The following ADAMTS17 variants were observed in gnomAD, a reference collection of about 807,000 sequenced individuals.
The protein encoded by ADAMTS17 is ADAM metallopeptidase with thrombospondin type 1 motif 17, also known as A disintegrin and metalloproteinase with thrombospondin motifs 17.
In ADAMTS17, 113 loss-of-function variants were observed where a neutral mutation model predicts 141.5. That is an observed-to-expected ratio of 0.80 (90% CI 0.69 to 0.93). ADAMTS17 has a LOEUF of 0.93. Among genes scored for constraint, ADAMTS17 ranks in the 40% least tolerant of loss-of-function variants. The probability of loss-of-function intolerance (pLI) is 0.00; values close to 1 mark genes in which losing one functional copy is unlikely to be tolerated. For synonymous variants in ADAMTS17, 768 were observed against 630.6 expected, an observed-to-expected ratio of 1.22 and a Z score of -3.27; for missense variants, 1,659 against 1,517.9, an observed-to-expected ratio of 1.09 and a Z score of -1.54.
chr15:100,171,578 C>T (rs1047319743), intron 8 of ADAMTS17, among the ~76,000 whole-genome samples: 51 of 152,196 alleles, frequency 3.4e-4, no homozygotes, highest in African/African-American at 1.1e-3. Flanking sequence ...CTGGCGGGCC[C>T]AGCTTGCAGG....
chr15:100,087,688 A>G (rs1337854677), intron 15 of ADAMTS17, among the ~76,000 whole-genome samples: 1 of 152,174 alleles, frequency 6.6e-6, no homozygotes, highest in Non-Finnish European at 1.5e-5. Context: ...TTCAACATAC[A>G]CAAATCAAGA....
intron 8 of ADAMTS17, among the ~76,000 whole-genome samples, chr15:100,164,188 C>T (rs968671722): frequency 1.3e-5 from 2 of 152,178 alleles, no homozygotes; most frequent in African/African-American, 4.8e-5. Context: ...CCCAGCCAGC[C>T]TCCAATGTCC....
Position 99,973,212 on chromosome 15 carries a change from T to G in ADAMTS17, c.*1190A>C, listed in dbSNP as rs2060248110. On this transcript the variant is annotated 3_prime_UTR_variant, in exon 22 of 22. Transcript: ENST00000268070. The stretch of plus-strand genomic sequence containing the variant: ...ATCCTTGCCCCACCAAGAAGATGGG[T>G]CAATGATGACAGGCGTGATGATAAT... 6.6e-6 allele frequency: 1 copy of G among 151,848 alleles called. No individual in the cohort carries two copies. The highest frequency in any genetic ancestry group is 1.5e-5 in the Non-Finnish European group (1 of 67,964). 9.4% of individuals were successfully genotyped at this position (151,848 alleles called of 1,614,324 possible).
chr15:100,011,441 AAAAG>A (rs2061179466), intron 18 of ADAMTS17, among the ~76,000 whole-genome samples: 1 of 147,292 alleles, frequency 6.8e-6, no homozygotes, highest in African/African-American at 2.5e-5. Context: ...TGAGGAAAGG[AAAAG>A]AAGGAAGGAA....
chr15:100,025,353 T>C (rs2061488071), intron 18 of ADAMTS17, among the ~76,000 whole-genome samples: 1 of 152,076 alleles, frequency 6.6e-6, no homozygotes, highest in Admixed American at 6.6e-5. Context: ...TTTTTTTGCA[T>C]ACAGCATATA....
At chr15:100,068,402 T>A (rs961263326) in intron 15 of ADAMTS17, among the ~76,000 whole-genome samples, 5 of 151,948 alleles carry the variant, frequency 3.3e-5, no homozygotes, top group African/African-American at 1.2e-4. Context: ...TTGAAGAGAG[T>A]AGTGGTTCTC....
At chr15:100,017,391 GC>G (rs1299598965) in intron 18 of ADAMTS17, among the ~76,000 whole-genome samples, 1 of 152,180 alleles carries the variant, frequency 6.6e-6, no homozygotes, top group Admixed American at 6.5e-5. Flanking sequence ...GAGGCTTCTT[GC>G]CCGGTTCAAA....
At chr15:100,135,642 A>G (rs531944184) in intron 10 of ADAMTS17, among the ~76,000 whole-genome samples, 1 of 152,326 alleles carries the variant, frequency 6.6e-6, no homozygotes, top group East Asian at 1.9e-4. Flanking sequence ...TATATTTGCA[A>G]TACATAAGAG....
intron 10 of ADAMTS17, among the ~76,000 whole-genome samples, chr15:100,139,445 T>A (rs534151183): frequency 6.6e-6 from 1 of 152,176 alleles, no homozygotes; most frequent in East Asian, 1.9e-4. Context: ...CCCCGAGCTA[T>A]AGGGGGCAGA....
At chr15:100,250,350 T>C (rs535465828) in intron 7 of ADAMTS17, among the ~76,000 whole-genome samples, 5 of 152,320 alleles carry the variant, frequency 3.3e-5, no homozygotes, top group East Asian at 1.9e-4. Flanking sequence ...AGACACAGCA[T>C]CTCACGCTCG....
chr15:100,130,658 G>C (rs750904617), intron 12 of ADAMTS17, among the ~76,000 whole-genome samples: 1 of 152,038 alleles, frequency 6.6e-6, no homozygotes, highest in African/African-American at 2.4e-5. Flanking sequence ...GTATGACCTG[G>C]GCATCAGGAT....
chr15:100,090,989 C>T (rs1317665376), intron 15 of ADAMTS17, among the ~76,000 whole-genome samples: 1 of 127,388 alleles, frequency 7.9e-6, no homozygotes, highest in Non-Finnish European at 1.6e-5. Flanking sequence ...GCCTGGGAGG[C>T]AGAGTGAGAC....
At chr15:100,211,795 T>C (rs751901949) in intron 7 of ADAMTS17, among the ~76,000 whole-genome samples, 11 of 152,090 alleles carry the variant, frequency 7.2e-5, no homozygotes, top group Admixed American at 1.3e-4. Flanking sequence ...CAAGAAGATA[T>C]CAATTCACAC....
intron 3 of ADAMTS17, among the ~76,000 whole-genome samples, chr15:100,325,723 C>G (rs1185517957): frequency 2.0e-5 from 3 of 152,206 alleles, no homozygotes; most frequent in Non-Finnish European, 4.4e-5. Flanking sequence ...GGCTCCCCTT[C>G]ATCTTCCACC....
rs180849601 is a variant in ADAMTS17, at chr15:100,023,332, G to A, written c.2591+25525C>T. On this transcript the variant is annotated intron_variant, in intron 18 of 21. Transcript: ENST00000268070. ...TTCTCTTGCTTCAGCCTCCTGAGTC[G>A]TTGGGATTACAGGTGCCTGCCACCA... Among the ~76,000 whole-genome samples the A allele has an allele frequency of 5.9e-3, 902 of 151,914 alleles. 8 individuals are homozygous for A. Among genetic ancestry groups the A allele is most frequent in the African/African-American group, 0.02 (828 of 41,416 alleles).
chr15:100,155,555 CTAAA>C (rs2039395197), intron 8 of ADAMTS17, among the ~76,000 whole-genome samples: 1 of 152,214 alleles, frequency 6.6e-6, no homozygotes, highest in South Asian at 2.1e-4. Flanking sequence ...ATAGCATTCA[CTAAA>C]TAACAATAAA....
chr15:100,095,511 A>G (rs2035703812), intron 15 of ADAMTS17, among the ~76,000 whole-genome samples: 1 of 152,140 alleles, frequency 6.6e-6, no homozygotes, highest in Admixed American at 6.5e-5. Flanking sequence ...TGAACTGAGA[A>G]GCTTCTATGC....
chr15:100,208,906 C>T (rs1271718508), intron 7 of ADAMTS17, among the ~76,000 whole-genome samples: 2 of 152,082 alleles, frequency 1.3e-5, no homozygotes, highest in Non-Finnish European at 2.9e-5. Context: ...ACCTGCAACA[C>T]CAGGCTTTAC....
At chr15:100,198,338 T>G (rs956241173) in intron 8 of ADAMTS17, among the ~76,000 whole-genome samples, 1 of 152,206 alleles carries the variant, frequency 6.6e-6, no homozygotes. Context: ...TGGCAAATGC[T>G]TGAGAAAAAC....
Sources: gnomAD v4.1 joint callset for allele counts (sites outside exome capture counted in the v4.1 genomes callset) on GRCh38, gnomAD v4.1.1 for gene constraint, MANE v1.5 for transcripts, NCBI Gene and HGNC (gene_info 2026-07-23, HGNC 2026-07-21) for gene names.